Variants in CD8B observed in about 807,000 individuals in gnomAD.
CD8B encodes CD8 subunit beta.
Under a neutral mutation model 24.2 loss-of-function variants are expected in CD8B, and 6 were observed. The ratio of observed to expected loss-of-function variants is 0.25; its 90% confidence interval spans 0.14 to 0.49. The LOEUF is 0.49. CD8B is among the 20% of genes least tolerant of loss of function. The pLI is 0.98. For synonymous variants in CD8B, 84 were observed against 108.3 expected (o/e 0.78, Z 1.39); for missense variants, 196 against 271.3 (o/e 0.72, Z 1.95).
exon 6 of CD8B, chr2:86,815,641 T>A (rs1461946688): frequency 1.2e-6 from 2 of 1,613,276 alleles, no homozygotes; most frequent in Non-Finnish European, 1.7e-6. Flanking sequence ...AAGCAGCTTC[T>A]GTGAGGTTGT....
chr2:86,859,890 T>C (rs1253196515), intron 1 of CD8B, among the ~76,000 whole-genome samples: 2 of 152,046 alleles, frequency 1.3e-5, no homozygotes, highest in Non-Finnish European at 2.9e-5. Context: ...CGTGGCCCCA[T>C]AATGGCCTTC....
chr2:86,853,978 T>C (rs1676105231), intron 2 of CD8B, among the ~76,000 whole-genome samples: 1 of 152,092 alleles, frequency 6.6e-6, no homozygotes, highest in Non-Finnish European at 1.5e-5. Context: ...TGATCTCAGG[T>C]AATCCACTCA....
At chr2:86,824,651 G>A (rs1379594473) in intron 5 of CD8B, among the ~76,000 whole-genome samples, 3 of 152,160 alleles carry the variant, frequency 2.0e-5, no homozygotes, top group Non-Finnish European at 4.4e-5. Context: ...CCTTGTGGTG[G>A]AGGGAAGGGG....
chr2:86,829,095 C>T (rs866758336), intron 5 of CD8B, among the ~76,000 whole-genome samples: 42 of 82,968 alleles, frequency 5.1e-4, no homozygotes, highest in Admixed American at 1.3e-3. Flanking sequence ...ATGCTCTTTA[C>T]TTTTTTTTTT....
chr2:86,846,859 AACTGGAAGCCCC>A (rs778909599), intron 3 of CD8B, 86 bp from the exon 4 acceptor site: 1 of 792,738 alleles, frequency 1.3e-6, no homozygotes, highest in Non-Finnish European at 2.2e-6. Context: ...CGAAAAATTC[AACTGGAAGCCCC>A]ACCTCCCAGA....
rs1278912861 is a variant in CD8B, at chr2:86,842,117, C to T, written c.*190G>A. ...AATGAAACCTTCTCCCTAGTATTCCCGATGACCCACGAACAAGTTGCTCCC... is the reference window on the plus strand; with the variant it reads ...AATGAAACCTTCTCCCTAGTATTCCTGATGACCCACGAACAAGTTGCTCCC... On this transcript the variant is annotated 3_prime_UTR_variant, in exon 6 of 6. Coordinates refer to ENST00000390655, the MANE Select transcript of CD8B (RefSeq NM_004931.5). The T allele has an allele frequency of 1.2e-5, 17 of 1,409,738 alleles. No homozygotes were observed. The East Asian group carries it at 1.9e-4, about 16-fold the overall frequency. 87.3% of individuals were successfully genotyped at this position (1,409,738 alleles called of 1,614,324 possible).
At chr2:86,816,747 G>C (rs1391384932) in intron 5 of CD8B, among the ~76,000 whole-genome samples, 1 of 152,100 alleles carries the variant, frequency 6.6e-6, no homozygotes, top group Admixed American at 6.6e-5. Context: ...GAAAAGCAAA[G>C]TTTCAAAACT....
chr2:86,817,521 A>T (rs1317786362), intron 5 of CD8B, among the ~76,000 whole-genome samples: 1 of 152,250 alleles, frequency 6.6e-6, no homozygotes, highest in Non-Finnish European at 1.5e-5. Flanking sequence ...AGCAAATTTT[A>T]AAAGTGCATG....
At chr2:86,836,661 A>C (rs1296914592), downstream of CD8B, among the ~76,000 whole-genome samples, 1 of 151,924 alleles carries the variant, frequency 6.6e-6, no homozygotes, top group Non-Finnish European at 1.5e-5. Context: ...GCTGGTGCGC[A>C]CCTGTAGTCC....
At chr2:86,835,794 A>T (rs1298666700), downstream of CD8B, among the ~76,000 whole-genome samples, 3 of 147,852 alleles carry the variant, frequency 2.0e-5, no homozygotes, top group East Asian at 6.1e-4. Context: ...TGAGAAGGCA[A>T]TCCATGCCCT....
At chr2:86,842,686 G>A (rs541723121) in intron 5 of CD8B, among the ~76,000 whole-genome samples, 18 of 152,254 alleles carry the variant, frequency 1.2e-4, no homozygotes, top group African/African-American at 3.8e-4. Context: ...ACCTCAAATC[G>A]CAACTCAGAT....
intron 5 of CD8B, among the ~76,000 whole-genome samples, chr2:86,825,244 A>T (rs1325895449): frequency 6.6e-6 from 1 of 152,058 alleles, no homozygotes; most frequent in African/African-American, 2.4e-5. Flanking sequence ...TAACGTCCCC[A>T]CATAAAAGGG....
chr2:86,841,535 T>C lies in CD8B; in HGVS notation c.*772A>G, dbSNP rs1160286905. 3.7e-5 allele frequency: 36 copies of C among 963,776 alleles called. No individual in the cohort carries two copies. The highest frequency in any genetic ancestry group is 1.1e-3 in the Middle Eastern group (2 of 1,890). 59.7% of individuals were successfully genotyped at this position (963,776 alleles called of 1,614,324 possible). A position where few individuals can be genotyped will look rare whatever the true frequency, so the allele number is the denominator to read the frequency against. ...TGGTTTCTGTTCCACGGAGCACTGATGTCTTTGCTGTAGATGGGCTTTCGC... is the reference window on the plus strand; with the variant it reads ...TGGTTTCTGTTCCACGGAGCACTGACGTCTTTGCTGTAGATGGGCTTTCGC... On this transcript the variant is annotated 3_prime_UTR_variant, in exon 6 of 6. Coordinates refer to ENST00000390655, the MANE Select transcript of CD8B (RefSeq NM_004931.5).
In CD8B at chr2:86,838,477, G is replaced by GA. The variant is rs961763215; in HGVS notation, c.*3829dup. ...TTTTATGTTTTAAAAAATATGGGAA[G>GA]AAAAAAAAACAAGAAACTTTTTAGA... On this transcript the variant is annotated 3_prime_UTR_variant, in exon 6 of 6. Transcript: ENST00000390655. 5.5e-5 allele frequency among the ~76,000 whole-genome samples: 8 copies of GA among 144,790 alleles called. No individual in the cohort carries two copies. The East Asian group carries it at 6.0e-4, about 11-fold the overall frequency. 95.0% of individuals were successfully genotyped at this position (144,790 alleles called of 152,430 possible). A position where few individuals can be genotyped will look rare whatever the true frequency, so the allele number is the denominator to read the frequency against.
rs1167979630 is a variant in CD8B, at chr2:86,838,482, A to G, written c.*3825T>C. On this transcript the variant is annotated 3_prime_UTR_variant, in exon 6 of 6. Coordinates refer to ENST00000390655, the MANE Select transcript of CD8B (RefSeq NM_004931.5). ...TGTTTTAAAAAATATGGGAAGAAAAAAAAACAAGAAACTTTTTAGAAAAAA... is the reference window on the plus strand; with the variant it reads ...TGTTTTAAAAAATATGGGAAGAAAAGAAAACAAGAAACTTTTTAGAAAAAA... Among the ~76,000 whole-genome samples the G allele has an allele frequency of 6.8e-6, 1 of 146,246 alleles. No homozygotes were observed. Among genetic ancestry groups the G allele is most frequent in the African/African-American group, 2.4e-5 (1 of 40,854 alleles).
In CD8B at chr2:86,853,036, T is replaced by C. The variant is rs1676054767; in HGVS notation, c.454A>G (p.Lys152Glu). 1.3e-6 allele frequency: 2 copies of C among 1,542,250 alleles called. No homozygotes were observed. The highest frequency in any genetic ancestry group is 1.7e-6 in the Non-Finnish European group (2 of 1,143,064). Reference protein sequence around the residue: ...AQPTKKSTLKKRVCRLPRPET... With the variant: ...AQPTKKSTLKERVCRLPRPET... The stretch of plus-strand genomic sequence containing the variant: ...GGCCTGGGTAACCGGCACACTCTCT[T>C]CTTGAGGGTGGACTTCTTGGTGGGC... Residue 152 changes from lysine (K) to glutamate (E), a missense_variant, in exon 3 of 6, where the codon AAG becomes GAG. Transcript: ENST00000390655.
intron 5 of CD8B, among the ~76,000 whole-genome samples, chr2:86,832,714 T>C (rs2104519837): frequency 1.3e-5 from 2 of 152,150 alleles, no homozygotes; most frequent in Non-Finnish European, 2.9e-5. Context: ...CCCCAAATCC[T>C]TTTTGGGAAT....
downstream of CD8B, among the ~76,000 whole-genome samples, chr2:86,837,114 G>A (rs80288137): frequency 6.1e-3 from 926 of 152,322 alleles, 15 homozygotes; most frequent in African/African-American, 0.021. Flanking sequence ...CTATAAGTGC[G>A]CCACTACACT....
chr2:86,861,717 C>A, intron 1 of CD8B, 106 bp downstream of exon 1: 1 of 917,516 alleles, frequency 1.1e-6, no homozygotes. Flanking sequence ...ACCGCGGGCT[C>A]GACGCTGCAC....
Sources: gnomAD v4.1 joint callset for allele counts (sites outside exome capture counted in the v4.1 genomes callset) on GRCh38, gnomAD v4.1.1 for gene constraint, MANE v1.5 for transcripts, NCBI Gene and HGNC (gene_info 2026-07-23, HGNC 2026-07-21) for gene names.